The following POFUT2 variants were observed in gnomAD, a reference collection of about 807,000 sequenced individuals.
POFUT2 encodes the protein protein O-fucosyltransferase 2.
In POFUT2, 30 loss-of-function variants were observed where a neutral mutation model predicts 55.0. The observed-to-expected ratio is 0.55, with a 90% CI of 0.41 to 0.74. POFUT2 has a LOEUF of 0.74. POFUT2 is among the 30% of genes least tolerant of loss of function. POFUT2 has a pLI of 0.00. For missense variants in POFUT2, 524 were observed against 562.6 expected (o/e 0.93, Z 0.69); for synonymous variants, 267 against 231.1 (o/e 1.16, Z -1.41).
rs182786750 is a variant in POFUT2, at chr21:45,281,344, C to A, written c.638+1005G>T. Among the ~76,000 whole-genome samples the A allele has an allele frequency of 6.6e-5, 10 of 152,296 alleles. No individual in the cohort carries two copies. The highest frequency in any genetic ancestry group is 2.4e-4 in the African/African-American group (10 of 41,564). ...ACCCGAATATTGTCATGAAATGAAC[C>A]CAGTCCCAGGACAACATTAAAGCTG... On this transcript the variant is annotated intron_variant, in intron 4 of 8. Coordinates refer to ENST00000349485, the MANE Select transcript of POFUT2 (RefSeq NM_133635.6). This position sits in a 1 kb window ranked among gnomAD's most constrained non-coding sequence, Gnocchi z 5.0.
chr21:45,275,736 CGAG>C (rs910311786), intron 6 of POFUT2, among the ~76,000 whole-genome samples: 25 of 151,998 alleles, frequency 1.6e-4, no homozygotes, highest in Non-Finnish European at 7.4e-5. Flanking sequence ...TTTGGGGACT[CGAG>C]GGGAAGAGTG....
chr21:45,283,891 CCT>C (rs1156618333), intron 2 of POFUT2, among the ~76,000 whole-genome samples: 2 of 152,210 alleles, frequency 1.3e-5, no homozygotes, highest in South Asian at 2.1e-4. Flanking sequence ...GCCCTCCGGC[CCT>C]CTGTGAGGCC....
At chr21:45,278,005 A>G (rs1569226138) in intron 5 of POFUT2, 98 bp downstream of exon 5, 5 of 981,410 alleles carry the variant, frequency 5.1e-6, no homozygotes, top group Non-Finnish European at 8.2e-6. Flanking sequence ...TTTAATCAGC[A>G]AGGTTCAAAA....
At chr21:45,268,126 TGCGATTGCAGGCACGCGCCACCAC>T (rs2093174527) in intron 7 of POFUT2, among the ~76,000 whole-genome samples, 1 of 150,858 alleles carries the variant, frequency 6.6e-6, no homozygotes, top group African/African-American at 2.4e-5. Context: ...GCCGAGTGCC[TGCGATTGCAGGCACGCGCCACCAC>T]GCCTGACTGG....
chr21:45,268,339 A>C (rs963055113), intron 7 of POFUT2, among the ~76,000 whole-genome samples: 10 of 151,706 alleles, frequency 6.6e-5, no homozygotes, highest in Non-Finnish European at 1.0e-4. Context: ...GCTACAACCT[A>C]CACCTCCCAG....
chr21:45,286,265 T>C lies in POFUT2; in HGVS notation c.132-337A>G, dbSNP rs527617847. Among the ~76,000 whole-genome samples, 3 of 152,362 alleles carry C rather than the reference T, an allele frequency of 2.0e-5. No individual in the cohort carries two copies. In the East Asian group the frequency reaches 5.8e-4, roughly 29 times the overall value. On this transcript the variant is annotated intron_variant, in intron 1 of 8. Coordinates refer to ENST00000349485, the MANE Select transcript of POFUT2 (RefSeq NM_133635.6). ...TACACTGGAAACAATGACTGACGGC[T>C]GGTTATGTGCACTATGTCTATTGAT...
At chr21:45,269,683 C>T in intron 7 of POFUT2, among the ~76,000 whole-genome samples, 156 bp downstream of exon 7, 1 of 152,112 alleles carries the variant, frequency 6.6e-6, no homozygotes, top group Non-Finnish European at 1.5e-5. Flanking sequence ...CTAGGAAAAC[C>T]AGAGACCTTT....
Position 45,285,670 on chromosome 21 carries a change from G to A in POFUT2, c.382+8C>T, listed in dbSNP as rs751648484. 2.9e-5 allele frequency: 46 copies of A among 1,613,482 alleles called. No individual in the cohort carries two copies. The African/African-American group carries it at 5.1e-4, about 18-fold the overall frequency. On this transcript the variant is annotated splice_region_variant and intron_variant, in intron 2 of 8. Transcript: ENST00000349485. This position sits in a 1 kb window ranked among gnomAD's most constrained non-coding sequence, Gnocchi z 4.9. ...ACCACGGCCTCCCAGCGTGCCGCTCGGCCTCACCTGCGATGAACTGCTCAT... is the reference window on the plus strand; with the variant it reads ...ACCACGGCCTCCCAGCGTGCCGCTCAGCCTCACCTGCGATGAACTGCTCAT...
intron 8 of POFUT2, chr21:45,266,751 C>T: frequency 3.0e-6 from 3 of 997,514 alleles, no homozygotes; most frequent in Non-Finnish European, 3.6e-6. Flanking sequence ...TGTGAAGAGG[C>T]ACCGGCTCAG....
intron 8 of POFUT2, chr21:45,266,820 G>A (rs1191102976): frequency 1.3e-5 from 13 of 1,004,672 alleles, no homozygotes; most frequent in African/African-American, 1.7e-5. Flanking sequence ...ACGCACGCGT[G>A]TGCACAGTGC....
chr21:45,283,319 G>C, intron 3 of POFUT2, 64 bp downstream of exon 3: 1 of 834,950 alleles, frequency 1.2e-6, no homozygotes, highest in South Asian at 1.8e-5. Context: ...GGGGGGGGGG[G>C]GACGCATGCG....
At position 45,287,760 on chromosome 21, in the gene POFUT2, C is replaced by A; in HGVS notation, c.112G>T (p.Gly38Trp). 1 of 1,495,600 alleles carries A rather than the reference C, an allele frequency of 6.7e-7. No individual in the cohort carries two copies. The allele number at this position is 1,495,600 out of a possible 1,614,324, so 92.6% of individuals were successfully genotyped here. A position where few individuals can be genotyped will look rare whatever the true frequency, so the allele number is the denominator to read the frequency against. ...GTTTACCGTCTGCGGGAAGCCGCCC[C>A]CGACAGAATATCGGCCGCCGATTGT... ...PGQSAADILS[G>W]AASRRRYLLY... The change falls in exon 1 of 9, where the codon GGG (glycine) becomes TGG (tryptophan). Residue 38 changes from glycine (G) to tryptophan (W), a missense_variant. Gly to Trp is a radical substitution (Grantham distance 184). Around this residue, in one of 2 missense-constraint regions of POFUT2, gnomAD observed 274 missense variants for 244.4 expected, o/e 1.12. Coordinates refer to ENST00000349485, the MANE Select transcript of POFUT2 (RefSeq NM_133635.6).
chr21:45,281,109 G>A lies in POFUT2; in HGVS notation c.638+1240C>T, dbSNP rs1188626779. ...GAAGAGACTTTCCCTGGGTGCTGGGGGCAGATGACCTCACCGCCCATCATC... is the reference window on the plus strand; with the variant it reads ...GAAGAGACTTTCCCTGGGTGCTGGGAGCAGATGACCTCACCGCCCATCATC... On this transcript the variant is annotated intron_variant, in intron 4 of 8. Transcript: ENST00000349485. This position sits in a 1 kb window ranked among gnomAD's most constrained non-coding sequence, Gnocchi z 5.0. Among the ~76,000 whole-genome samples the A allele has an allele frequency of 6.6e-6, 1 of 152,110 alleles. No individual in the cohort carries two copies. Among genetic ancestry groups the A allele is most frequent in the Non-Finnish European group, 1.5e-5 (1 of 68,018 alleles).
chr21:45,265,501 T>G lies in POFUT2; in HGVS notation c.1271A>C (p.His424Pro), dbSNP rs1411326081. The change falls in exon 9 of 9, where the codon CAC (histidine) becomes CCC (proline). Residue 424 changes from histidine to proline, a missense_variant. Transcript: ENST00000349485. The surrounding 1 kb of genome is among the most constrained non-coding windows in gnomAD (Gnocchi z 4.6). ...TCCTCCTCAGTAGGTGATCTTCCAG[T>G]GGGTGGGTTGCTCACACGCCTTCTC... The part of the protein sequence containing the change: ...DQEKACEQPT[H>P]WKITY The G allele has an allele frequency of 6.2e-7, 1 of 1,613,378 alleles. No homozygotes were observed. Among genetic ancestry groups the G allele is most frequent in the South Asian group, 1.1e-5 (1 of 91,012 alleles).
At position 45,269,998 on chromosome 21, in the gene POFUT2, C is replaced by A. The variant is rs766610099; in HGVS notation, c.853G>T (p.Gly285Trp). 1 of 1,561,174 alleles carries A rather than the reference C, an allele frequency of 6.4e-7. No homozygotes were observed. Among genetic ancestry groups the A allele is most frequent in the Non-Finnish European group, 8.6e-7 (1 of 1,159,910 alleles). The change falls in exon 7 of 9, where the codon GGG becomes TGG. Residue 285 changes from glycine (G) to tryptophan (W), a missense_variant. By Grantham distance (184) the Gly-to-Trp change is radical. Around this residue, in one of 2 missense-constraint regions of POFUT2, gnomAD observed 250 missense variants for 318.2 expected, o/e 0.79. Coordinates refer to ENST00000349485, the MANE Select transcript of POFUT2 (RefSeq NM_133635.6). ...AGGTGGACTCCCAGGTAGGGGCCCC[C>A]TAGCGCGGAGCCCAGCTTGACCTAG... The part of the protein sequence containing the change: ...KMKVKLGSAL[G>W]GPYLGVHLRR...
At chr21:45,286,124 T>C (rs2031381420) in intron 1 of POFUT2, among the ~76,000 whole-genome samples, 196 bp from the exon 2 acceptor site, 1 of 152,222 alleles carries the variant, frequency 6.6e-6, no homozygotes, top group Non-Finnish European at 1.5e-5. Context: ...GCAGACATGC[T>C]AACATCGTTT....
chr21:45,280,119 A>G (rs1442825004), intron 4 of POFUT2, among the ~76,000 whole-genome samples: 1 of 152,180 alleles, frequency 6.6e-6, no homozygotes, highest in Non-Finnish European at 1.5e-5. Flanking sequence ...CTGCTCCAAA[A>G]TGAACACGGT....
In POFUT2 at chr21:45,270,198, C is replaced by A; in HGVS notation, c.832-179G>T. ...ATCTCGGGGGCGACCAGATGTCTTT[C>A]TAAGAAGACAGTGAAGCAGTATTAA... On this transcript the variant is annotated intron_variant, in intron 6 of 8. Transcript: ENST00000349485. The surrounding 1 kb of genome is among the most constrained non-coding windows in gnomAD (Gnocchi z 4.6). 2.4e-6 allele frequency: 1 copy of A among 419,174 alleles called. No homozygotes were observed. Among genetic ancestry groups the A allele is most frequent in the Non-Finnish European group, 4.2e-6 (1 of 240,440 alleles). 26.0% of individuals were successfully genotyped at this position (419,174 alleles called of 1,614,324 possible). A position where few individuals can be genotyped will look rare whatever the true frequency, so the allele number is the denominator to read the frequency against.
At chr21:45,274,552 A>C (rs923941198) in intron 6 of POFUT2, among the ~76,000 whole-genome samples, 12 of 152,238 alleles carry the variant, frequency 7.9e-5, no homozygotes, top group Admixed American at 6.5e-4. Flanking sequence ...ACAATACTCA[A>C]CTTCAAACTA....
Sources: gnomAD v4.1 joint callset for allele counts (sites outside exome capture counted in the v4.1 genomes callset) on GRCh38, gnomAD v4.1.1 for gene constraint, gnomAD v4.1.1 regional missense constraint, Gnocchi (gnomAD v3.1) non-coding constraint, MANE v1.5 for transcripts, NCBI Gene and HGNC (gene_info 2026-07-23, HGNC 2026-07-21) for gene names.